Variants in LRP4 observed in about 807,000 individuals in gnomAD.
LRP4 encodes the protein low-density lipoprotein receptor-related protein 4.
A neutral mutation model predicts 220.3 loss-of-function variants in LRP4; 95 were observed. The observed-to-expected ratio is 0.43, with a 90% CI of 0.37 to 0.51. The LOEUF (loss-of-function observed/expected upper bound fraction) is 0.51, where lower values mean the gene tolerates loss of function less well. LRP4 is among the 20% of genes least tolerant of loss of function. The pLI, the probability that LRP4 is intolerant of heterozygous loss-of-function variation, is 0.00. For missense variants in LRP4, 1,925 were observed against 2,567.0 expected, an observed-to-expected ratio of 0.75 and a Z score of 5.40; for synonymous variants, 903 against 954.6, an observed-to-expected ratio of 0.95 and a Z score of 1.00.
Position 46,890,517 on chromosome 11 carries a change from G to A in LRP4, c.1698-23C>T, listed in dbSNP as rs764258446. 1.9e-6 allele frequency: 3 copies of A among 1,561,768 alleles called. No homozygotes were observed. The highest frequency in any genetic ancestry group is 2.2e-5 in the South Asian group (2 of 89,790). ...GTACTAGGAAGAGAAAAGTAAATTGGGAAGTGGGCAGCAGAAAACAGGTAG... is the reference window on the plus strand; with the variant it reads ...GTACTAGGAAGAGAAAAGTAAATTGAGAAGTGGGCAGCAGAAAACAGGTAG... On this transcript the variant is annotated intron_variant, in intron 13 of 37. Coordinates refer to ENST00000378623, the MANE Select transcript of LRP4 (RefSeq NM_002334.4). This position sits in a 1 kb window ranked among gnomAD's most constrained non-coding sequence, Gnocchi z 5.3.
At position 46,861,677 on chromosome 11, in the gene LRP4, C is replaced by G. The variant is rs192092929; in HGVS notation, c.5385+929G>C. Among the ~76,000 whole-genome samples, 301 of 151,882 alleles carry G rather than the reference C, an allele frequency of 2.0e-3. 2 individuals carry two copies. Among genetic ancestry groups the G allele is most frequent in the African/African-American group, 5.0e-3 (206 of 41,428 alleles). ...TGTAGCTGGGACTACAGGCACAAGC[C>G]ACCACAACCAGCTCATTGAAATGGG... is the stretch of plus-strand genomic sequence containing the variant. On this transcript the variant is annotated intron_variant, in intron 37 of 37. Coordinates refer to ENST00000378623, the MANE Select transcript of LRP4 (RefSeq NM_002334.4).
Position 46,873,530 on chromosome 11 carries a change from G to A in LRP4, c.4293C>T (p.Asp1431=), listed in dbSNP as rs17848229. ...TGGCCACCCAGTCCACTGCCAGCCC[G>A]TCAGTGGTCTTCAGCCCTCGCCCGA... is the stretch of plus-strand genomic sequence containing the variant. The part of the protein sequence containing the change: ...TVIGRGLKTT[D]GLAVDWVARN... The change falls in exon 29 of 38, where the codon GAC becomes GAT. Residue 1431 remains aspartate, a synonymous_variant. Transcript: ENST00000378623. The surrounding 1 kb of genome is among the most constrained non-coding windows in gnomAD (Gnocchi z 4.2). 146 of 1,614,068 alleles carry A rather than the reference G, an allele frequency of 9.0e-5. 1 individual carries two copies. The East Asian group carries it at 9.4e-4, about 10-fold the overall frequency.
intron 30 of LRP4, 21 bp from the exon 31 acceptor site, chr11:46,871,654 G>C (rs765643777): frequency 6.5e-7 from 1 of 1,531,562 alleles, no homozygotes; most frequent in Admixed American, 1.8e-5. Flanking sequence ...AATGAAAAGA[G>C]TGGCTGCTCC....
Position 46,871,552 on chromosome 11 carries a change from A to G in LRP4, c.4665T>C (p.His1555=), listed in dbSNP as rs145206396. ...NGKLRQVLVS[H]VSHPFALTQQ... is the part of the protein sequence containing the mutation. Reference sequence around the variant, plus strand: ...GTGTGAGGGCAAAGGGGTGGGACACATGGCTGACCAAGACCTGCCGCAGTT... The same window carrying G: ...GTGTGAGGGCAAAGGGGTGGGACACGTGGCTGACCAAGACCTGCCGCAGTT... The change falls in exon 31 of 38, where the codon CAT becomes CAC. Residue 1555 remains histidine (H), a synonymous_variant. Transcript: ENST00000378623. 4.3e-5 allele frequency: 70 copies of G among 1,612,942 alleles called. No individual in the cohort carries two copies. Among genetic ancestry groups the G allele is most frequent in the Middle Eastern group, 1.6e-4 (1 of 6,080 alleles).
intron 37 of LRP4, 117 bp from the exon 38 acceptor site, chr11:46,859,432 C>T: frequency 1.3e-6 from 1 of 780,790 alleles, no homozygotes; most frequent in Non-Finnish European, 2.3e-6. Context: ...ACAAAAATCC[C>T]ACAAACAAAT....
chr11:46,915,868 T>C (rs1941939391), intron 1 of LRP4, among the ~76,000 whole-genome samples: 1 of 152,162 alleles, frequency 6.6e-6, no homozygotes, highest in Non-Finnish European at 1.5e-5. Context: ...GCCTAATGGA[T>C]CTACTACTAC....
chr11:46,879,414 AACACC>A, intron 20 of LRP4, 99 bp from the exon 21 acceptor site: 2 of 1,211,452 alleles, frequency 1.7e-6, no homozygotes, highest in Non-Finnish European at 2.4e-6. Context: ...CTCTCCCACT[AACACC>A]TACTGGGTGA....
intron 1 of LRP4, among the ~76,000 whole-genome samples, chr11:46,905,708 C>T (rs1008590164): frequency 6.6e-6 from 1 of 151,844 alleles, no homozygotes; most frequent in African/African-American, 2.4e-5. Context: ...AAAAATGAGC[C>T]GGGTATGGTG....
chr11:46,897,246 G>T (rs1004991456), intron 7 of LRP4, among the ~76,000 whole-genome samples: 1 of 151,460 alleles, frequency 6.6e-6, no homozygotes, highest in Non-Finnish European at 1.5e-5. Context: ...TGGACATATT[G>T]CCTCTGCACA....
intron 30 of LRP4, among the ~76,000 whole-genome samples, chr11:46,872,759 C>T (rs555332490): frequency 6.6e-6 from 1 of 152,252 alleles, no homozygotes; most frequent in South Asian, 2.1e-4. Context: ...CAACAAAGTT[C>T]CAGAGCCTGA....
At position 46,859,032 on chromosome 11, in the gene LRP4, T is replaced by C. The variant is rs749482785; in HGVS notation, c.5669A>G (p.Asp1890Gly). The C allele has an allele frequency of 4.3e-6, 7 of 1,614,066 alleles. No individual in the cohort carries two copies. The South Asian group carries it at 7.7e-5, about 18-fold the overall frequency. ...CTTGCGTTCATGTTTCCAGCCCGTG[T>C]CTGGCAGAGAGCCTCGTCTTTCTGG... The part of the protein sequence containing the change: ...ATPERRGSLP[D>G]TGWKHERKLS... Residue 1890 changes from aspartate (D) to glycine (G), a missense_variant, in exon 38 of 38, where the codon GAC (aspartate) becomes GGC (glycine). This residue lies in a region of LRP4 where 1,244 missense variants were observed against 1,624.9 expected (regional missense o/e 0.77). Coordinates refer to ENST00000378623, the MANE Select transcript of LRP4 (RefSeq NM_002334.4).
intron 35 of LRP4, 132 bp downstream of exon 35, chr11:46,864,987 A>C (rs755653921): frequency 4.9e-5 from 40 of 814,122 alleles, no homozygotes; most frequent in Non-Finnish European, 8.2e-5. Flanking sequence ...TATTATGATT[A>C]TTATTTCTAT....
At chr11:46,914,758 G>A (rs747673503) in intron 1 of LRP4, among the ~76,000 whole-genome samples, 68 of 152,132 alleles carry the variant, frequency 4.5e-4, no homozygotes, top group Non-Finnish European at 8.1e-4. Context: ...AGACTGTCTC[G>A]TAATCTTACC....
At position 46,858,826 on chromosome 11, in the gene LRP4, G is replaced by A. The variant is rs1940451055; in HGVS notation, c.*157C>T. 1.2e-5 allele frequency: 9 copies of A among 728,398 alleles called. No individual in the cohort carries two copies. Among genetic ancestry groups the A allele is most frequent in the African/African-American group, 3.5e-5 (2 of 57,908 alleles). The allele number at this position is 728,398 out of a possible 1,614,324, so 45.1% of individuals were successfully genotyped here. ...TGTGCACAGGTAGTTATGGACTCAC[G>A]TGGTAAACAGCTCCGGTGAAGGCTT... On this transcript the variant is annotated 3_prime_UTR_variant, in exon 38 of 38. Coordinates refer to ENST00000378623, the MANE Select transcript of LRP4 (RefSeq NM_002334.4).
At position 46,890,157 on chromosome 11, in the gene LRP4, G is replaced by A; in HGVS notation, c.1916-37C>T. 1 of 1,611,222 alleles carries A rather than the reference G, an allele frequency of 6.2e-7. No individual in the cohort carries two copies. Among genetic ancestry groups the A allele is most frequent in the Non-Finnish European group, 8.5e-7 (1 of 1,177,580 alleles). ...CCAGGAAGACCTCAGTCTGGACGTGGTCTGCCATGTCCCCTGGGCCCAGGC... is the reference window on the plus strand; with the variant it reads ...CCAGGAAGACCTCAGTCTGGACGTGATCTGCCATGTCCCCTGGGCCCAGGC... On this transcript the variant is annotated intron_variant, in intron 14 of 37. Transcript: ENST00000378623. This position sits in a 1 kb window ranked among gnomAD's most constrained non-coding sequence, Gnocchi z 5.3.
rs556889686 is a variant in LRP4 at position 46,899,976 on chromosome 11, G to T, written c.317C>A (p.Pro106His). The T allele has an allele frequency of 1.2e-6, 2 of 1,609,998 alleles. No individual in the cohort carries two copies. Among genetic ancestry groups the T allele is most frequent in the Admixed American group, 1.7e-5 (1 of 60,026 alleles). Residue 106 changes from proline (P) to histidine (H), a missense_variant and splice_region_variant, in exon 4 of 38, where the codon CCC (proline) becomes CAC (histidine). Transcript: ENST00000378623. This position sits in a 1 kb window ranked among gnomAD's most constrained non-coding sequence, Gnocchi z 5.9. The part of the protein sequence containing the change: ...CEDDSDEQDC[P>H]PRECEEDEFP... ...CTCGTCCTCCTCACACTCCCGGGGG[G>T]CTGTGGGCACAGAGCAGTCAGGCTG...
rs1941545157 is a variant in LRP4 at position 46,896,958 on chromosome 11, T to C, written c.833A>G (p.His278Arg). The C allele has an allele frequency of 6.2e-7, 1 of 1,614,072 alleles. No homozygotes were observed. The highest frequency in any genetic ancestry group is 1.7e-5 in the Admixed American group (1 of 60,016). The change falls in exon 8 of 38, where the codon CAC becomes CGC. Residue 278 changes from histidine to arginine, a missense_variant. By Grantham distance (29) the His-to-Arg change is conservative. This residue lies in a region of LRP4 where 412 missense variants were observed against 505.4 expected (regional missense o/e 0.82). Transcript: ENST00000378623. ...GGACAGGCGGACACAGCGGCCTGAG[T>C]GACAGCGGAACTGTTCTGCCGTACA... ...SMCTAEQFRCHSGRCVRLSWR... is the reference protein window; with the variant it reads ...SMCTAEQFRCRSGRCVRLSWR...
In LRP4 at chr11:46,896,351, G is replaced by A. The variant is rs756847264; in HGVS notation, c.923-16C>T. 1.9e-6 allele frequency: 3 copies of A among 1,612,618 alleles called. No individual in the cohort carries two copies. Among genetic ancestry groups the A allele is most frequent in the African/African-American group, 1.3e-5 (1 of 74,944 alleles). ...TGGGGGCTTCCTAGAGAGATGGAGG[G>A]TCAGGTCATAGCAAGGCAGGGCTTG... On this transcript the variant is annotated splice_polypyrimidine_tract_variant and intron_variant, in intron 8 of 37. Coordinates refer to ENST00000378623, the MANE Select transcript of LRP4 (RefSeq NM_002334.4).
intron 31 of LRP4, 93 bp downstream of exon 31, chr11:46,871,432 T>C: frequency 3.3e-6 from 3 of 900,104 alleles, no homozygotes; most frequent in Non-Finnish European, 5.5e-6. Context: ...AGCACGTCTG[T>C]TCAGTAGCAG....
Sources: allele counts gnomAD v4.1 joint callset (sites outside exome capture counted in the v4.1 genomes callset), GRCh38; gene constraint gnomAD v4.1.1; regional missense constraint gnomAD v4.1.1; non-coding constraint Gnocchi (gnomAD v3.1); transcripts MANE v1.5; gene names NCBI Gene and HGNC (gene_info 2026-07-23, HGNC 2026-07-21).